The following KCNQ1 variants were observed in gnomAD, a reference collection of about 807,000 sequenced individuals.
KCNQ1 encodes the protein potassium voltage-gated channel subfamily Q member 1.
KCNQ1 carries 49 observed loss-of-function variants against 72.4 expected under a neutral mutation model. That is an observed-to-expected ratio of 0.68 (90% CI 0.54 to 0.86). The LOEUF (loss-of-function observed/expected upper bound fraction) is 0.86, where lower values mean the gene tolerates loss of function less well. KCNQ1 is among the 40% of genes least tolerant of loss of function. The probability of loss-of-function intolerance (pLI) is 0.00; values close to 1 mark genes in which losing one functional copy is unlikely to be tolerated. For synonymous variants in KCNQ1, 450 were observed against 412.6 expected (o/e 1.09, Z -1.10); for missense variants, 790 against 945.1 (o/e 0.84, Z 2.15).
rs3079053 is a variant in KCNQ1 at position 2,813,999 on chromosome 11, A to AATGG, written c.1795-33752_1795-33749dup. Among the ~76,000 whole-genome samples the AATGG allele has an allele frequency of 0.048, 7,127 of 149,000 alleles. 570 individuals are homozygous for AATGG. The highest frequency in any genetic ancestry group is 0.17 in the African/African-American group (6,750 of 40,154). On this transcript the variant is annotated intron_variant, in intron 15 of 15. Coordinates refer to ENST00000155840, the MANE Select transcript of KCNQ1 (RefSeq NM_000218.3). This position sits in a 1 kb window ranked among gnomAD's most constrained non-coding sequence, Gnocchi z 4.4. ...GGAGGGAAGGAGGGCTGAATAAAGAAATGGATGGATGGATGGATGATGGAT... is the reference window on the plus strand; with the variant it reads ...GGAGGGAAGGAGGGCTGAATAAAGAAATGGATGGATGGATGGATGGATGATGGAT...
intron 1 of KCNQ1, among the ~76,000 whole-genome samples, chr11:2,505,571 GTC>G (rs1847090580): frequency 6.6e-6 from 1 of 152,150 alleles, no homozygotes; most frequent in African/African-American, 2.4e-5. Context: ...TGGTACTGAA[GTC>G]TCTCACCATC....
chr11:2,573,477 C>T (rs1021846075), intron 6 of KCNQ1, among the ~76,000 whole-genome samples: 3 of 152,340 alleles, frequency 2.0e-5, no homozygotes, highest in Admixed American at 2.0e-4. Flanking sequence ...CAGGAAAGAC[C>T]ATGATGGCTC....
intron 11 of KCNQ1, among the ~76,000 whole-genome samples, chr11:2,728,754 A>G (rs1162808779): frequency 1.3e-5 from 2 of 152,190 alleles, no homozygotes; most frequent in Non-Finnish European, 2.9e-5. Context: ...GCATCTCAGG[A>G]GGAGCTGAGG....
chr11:2,485,005 A>G (rs1846717613), intron 1 of KCNQ1, among the ~76,000 whole-genome samples: 1 of 152,174 alleles, frequency 6.6e-6, no homozygotes, highest in African/African-American at 2.4e-5. Flanking sequence ...CCCCATGAGA[A>G]GTGACTGACC....
chr11:2,634,127 T>C (rs1849410205), intron 10 of KCNQ1: 1 of 356,430 alleles, frequency 2.8e-6, no homozygotes, highest in Non-Finnish European at 4.7e-6. Context: ...GTGAAGATTG[T>C]CTTTGGTATT....
At chr11:2,721,370 G>A (rs749048495) in intron 11 of KCNQ1, among the ~76,000 whole-genome samples, 19 of 152,330 alleles carry the variant, frequency 1.2e-4, no homozygotes, top group Middle Eastern at 3.4e-3. Flanking sequence ...GCCGACTCCC[G>A]CTGGGCGCTT....
rs1002261853 is a variant in KCNQ1 at position 2,537,131 on chromosome 11, A to G, written c.477+9113A>G. 2.6e-5 allele frequency among the ~76,000 whole-genome samples: 4 copies of G among 151,942 alleles called. No individual in the cohort carries two copies. Among genetic ancestry groups the G allele is most frequent in the African/African-American group, 9.7e-5 (4 of 41,258 alleles). On this transcript the variant is annotated intron_variant, in intron 2 of 15. Coordinates refer to ENST00000155840, the MANE Select transcript of KCNQ1 (RefSeq NM_000218.3). This position sits in a 1 kb window ranked among gnomAD's most constrained non-coding sequence, Gnocchi z 5.2. The stretch of plus-strand genomic sequence containing the variant: ...GTACTGGGGATTAGGGCTTCATCAT[A>G]TGAATTTGAGGGCAACCCAGGGGTC...
chr11:2,680,627 T>A (rs1333179366), intron 11 of KCNQ1: 1 of 398,466 alleles, frequency 2.5e-6, no homozygotes, highest in Non-Finnish European at 4.4e-6. Flanking sequence ...TAGTACAATA[T>A]TCTGACCAGG....
intron 10 of KCNQ1, chr11:2,622,910 G>A (rs1353812726): frequency 1.0e-5 from 4 of 398,448 alleles, no homozygotes; most frequent in Admixed American, 4.4e-5. Context: ...GTTAACATTA[G>A]GGCTCACTGT....
intron 15 of KCNQ1, among the ~76,000 whole-genome samples, chr11:2,796,128 A>G (rs234879): frequency 0.57 from 87,134 of 152,226 alleles, 25,158 homozygotes; most frequent in South Asian, 0.62. Context: ...CTTATGGCGC[A>G]ATGCACTTCC....
Position 2,507,205 on chromosome 11 carries a change from G to T in KCNQ1, c.387-20723G>T, listed in dbSNP as rs188577288. Among the ~76,000 whole-genome samples the T allele has an allele frequency of 1.3e-5, 2 of 152,174 alleles. No individual in the cohort carries two copies. Among genetic ancestry groups the T allele is most frequent in the East Asian group, 3.8e-4 (2 of 5,200 alleles). On this transcript the variant is annotated intron_variant, in intron 1 of 15. Coordinates refer to ENST00000155840, the MANE Select transcript of KCNQ1 (RefSeq NM_000218.3). The surrounding 1 kb of genome is among the most constrained non-coding windows in gnomAD (Gnocchi z 5.4). ...GTCTTCAGCATTTAGCTCCTTGTCCGTTTGGAGTTTGCTCTTGTGCATGAT... is the reference window on the plus strand; with the variant it reads ...GTCTTCAGCATTTAGCTCCTTGTCCTTTTGGAGTTTGCTCTTGTGCATGAT...
rs994868936 is a variant in KCNQ1 at position 2,808,241 on chromosome 11, C to T, written c.1794+30204C>T. Among the ~76,000 whole-genome samples the T allele has an allele frequency of 1.3e-5, 2 of 152,254 alleles. No homozygotes were observed. The highest frequency in any genetic ancestry group is 2.4e-5 in the African/African-American group (1 of 41,468). On this transcript the variant is annotated intron_variant, in intron 15 of 15. Transcript: ENST00000155840. The surrounding 1 kb of genome is among the most constrained non-coding windows in gnomAD (Gnocchi z 6.0). Reference sequence around the variant, plus strand: ...GGCTGGCCCGCCTTCCAGCCCTCCCCCAGCACCCACCAAGCCCCTGCGATA... The same window carrying T: ...GGCTGGCCCGCCTTCCAGCCCTCCCTCAGCACCCACCAAGCCCCTGCGATA...
At chr11:2,747,990 A>C (rs1846166105) in intron 11 of KCNQ1, among the ~76,000 whole-genome samples, 1 of 152,156 alleles carries the variant, frequency 6.6e-6, no homozygotes, top group African/African-American at 2.4e-5. Context: ...TGCTTCCACC[A>C]CCAGCAGAAT....
Position 2,669,044 on chromosome 11 carries a change from G to A in KCNQ1, c.1514+6963G>A. ...CCAGTCTAGCTCAGCACCCGGCATGGGAAGGCCCGTCCTCTCCCAACTACC... is the reference window on the plus strand; with the variant it reads ...CCAGTCTAGCTCAGCACCCGGCATGAGAAGGCCCGTCCTCTCCCAACTACC... On this transcript the variant is annotated intron_variant, in intron 11 of 15. Coordinates refer to ENST00000155840, the MANE Select transcript of KCNQ1 (RefSeq NM_000218.3). The surrounding 1 kb of genome is among the most constrained non-coding windows in gnomAD (Gnocchi z 5.6). 1 of 398,654 alleles carries A rather than the reference G, an allele frequency of 2.5e-6. No individual in the cohort carries two copies. Among genetic ancestry groups the A allele is most frequent in the South Asian group, 1.3e-4 (1 of 7,852 alleles). 24.7% of individuals were successfully genotyped at this position (398,654 alleles called of 1,614,324 possible).
In KCNQ1 at chr11:2,617,456, T is replaced by A. The variant is rs561193603; in HGVS notation, c.1393+28602T>A. ...CATTGTAGACATACACACCACAGTTTAGTCATCCATCAATGGACACGTAAG... is the reference window on the plus strand; with the variant it reads ...CATTGTAGACATACACACCACAGTTAAGTCATCCATCAATGGACACGTAAG... On this transcript the variant is annotated intron_variant, in intron 10 of 15. Coordinates refer to ENST00000155840, the MANE Select transcript of KCNQ1 (RefSeq NM_000218.3). The surrounding 1 kb of genome is among the most constrained non-coding windows in gnomAD (Gnocchi z 4.6). 2.5e-6 allele frequency: 1 copy of A among 398,350 alleles called. No homozygotes were observed. The highest frequency in any genetic ancestry group is 3.6e-5 in the East Asian group (1 of 28,074). The allele number at this position is 398,350 out of a possible 1,614,324, so 24.7% of individuals were successfully genotyped here. A position where few individuals can be genotyped will look rare whatever the true frequency, so the allele number is the denominator to read the frequency against.
rs556271385 is a variant in KCNQ1 at position 2,603,115 on chromosome 11, T to C, written c.1393+14261T>C. Among the ~76,000 whole-genome samples the C allele has an allele frequency of 3.3e-5, 5 of 152,348 alleles. No homozygotes were observed. Among genetic ancestry groups the C allele is most frequent in the Non-Finnish European group, 4.4e-5 (3 of 68,032 alleles). Reference sequence around the variant, plus strand: ...TTAGTATAGGCATACCTCAGAGATATTGTGGTTCGGTTCCAGTACACTGCA... The same window carrying C: ...TTAGTATAGGCATACCTCAGAGATACTGTGGTTCGGTTCCAGTACACTGCA... On this transcript the variant is annotated intron_variant, in intron 10 of 15. Transcript: ENST00000155840. The surrounding 1 kb of genome is among the most constrained non-coding windows in gnomAD (Gnocchi z 4.1).
At chr11:2,504,292 C>A (rs773595288) in intron 1 of KCNQ1, among the ~76,000 whole-genome samples, 9 of 151,334 alleles carry the variant, frequency 5.9e-5, no homozygotes, top group Admixed American at 3.3e-4. Context: ...CAATTGAACT[C>A]GAGATAGAGT....
At chr11:2,615,768 T>C in intron 10 of KCNQ1, 1 of 398,146 alleles carries the variant, frequency 2.5e-6, no homozygotes, top group East Asian at 3.6e-5. Flanking sequence ...TTTAATATGC[T>C]GCTGAATTTG....
chr11:2,780,278 G>A (rs879893997), intron 15 of KCNQ1, among the ~76,000 whole-genome samples: 3 of 152,208 alleles, frequency 2.0e-5, no homozygotes, highest in Admixed American at 2.0e-4. Flanking sequence ...GGCCTGGCTG[G>A]GCCTGGAGGG....
Sources: gnomAD v4.1 joint callset for allele counts (sites outside exome capture counted in the v4.1 genomes callset) on GRCh38, gnomAD v4.1.1 for gene constraint, Gnocchi (gnomAD v3.1) non-coding constraint, MANE v1.5 for transcripts, NCBI Gene and HGNC (gene_info 2026-07-23, HGNC 2026-07-21) for gene names.